PHLPP1: variants seen among roughly 807,000 people sequenced by gnomAD.
The protein encoded by PHLPP1 is PH domain and leucine rich repeat protein phosphatase 1, also known as PH domain leucine-rich repeat-containing protein phosphatase 1.
In PHLPP1, 42 loss-of-function variants were observed where a neutral mutation model predicts 117.2. That is an observed-to-expected ratio of 0.36 (90% CI 0.28 to 0.46). The LOEUF is 0.46. PHLPP1 is among the 20% of genes least tolerant of loss of function. PHLPP1 has a pLI of 1.00. For missense variants in PHLPP1, 2,084 were observed against 2,241.9 expected (o/e 0.93, Z 1.42); for synonymous variants, 1,042 against 970.7 (o/e 1.07, Z -1.37).
intron 4 of PHLPP1, among the ~76,000 whole-genome samples, chr18:62,865,210 C>G (rs1292715995): frequency 2.6e-5 from 4 of 152,140 alleles, no homozygotes; most frequent in South Asian, 2.1e-4. Flanking sequence ...CTTGTAGTCT[C>G]AGCTACTGGG....
intron 1 of PHLPP1, among the ~76,000 whole-genome samples, chr18:62,718,226 G>A (rs1026266250): frequency 2.0e-5 from 3 of 152,234 alleles, no homozygotes; most frequent in Non-Finnish European, 4.4e-5. Flanking sequence ...TCAGTGATAA[G>A]GAATTTTATT....
At chr18:62,969,258 A>C (rs1312754816) in intron 14 of PHLPP1, among the ~76,000 whole-genome samples, 2 of 151,660 alleles carry the variant, frequency 1.3e-5, no homozygotes, top group Admixed American at 1.3e-4. Context: ...TTTGTTATGT[A>C]CTTCTTTTTC....
chr18:62,841,639 C>T (rs1599076963), intron 3 of PHLPP1, among the ~76,000 whole-genome samples: 1 of 152,014 alleles, frequency 6.6e-6, no homozygotes, highest in South Asian at 2.1e-4. Context: ...GCTTACTTTT[C>T]TGTGTTTTTC....
rs537229794 is a variant in PHLPP1, at chr18:62,968,862, T to G, written c.3561-3652T>G. Among the ~76,000 whole-genome samples the G allele has an allele frequency of 1.4e-3, 206 of 152,302 alleles. No individual in the cohort carries two copies. In the Middle Eastern group the frequency reaches 0.017, roughly 13 times the overall value. On this transcript the variant is annotated intron_variant, in intron 14 of 16. Coordinates refer to ENST00000262719, the MANE Select transcript of PHLPP1 (RefSeq NM_194449.4). ...TATTATGCTTTTAAAATCTGTAGAA[T>G]CTGTAGAGATGTTCCTCCACTCTCT...
At chr18:62,775,572 C>T (rs547767940) in intron 1 of PHLPP1, among the ~76,000 whole-genome samples, 2 of 152,188 alleles carry the variant, frequency 1.3e-5, no homozygotes, top group East Asian at 1.9e-4. Flanking sequence ...CACAATGTCC[C>T]AGTAGAACCA....
intron 9 of PHLPP1, among the ~76,000 whole-genome samples, chr18:62,918,706 A>G (rs1909374033): frequency 6.6e-6 from 1 of 152,122 alleles, no homozygotes; most frequent in African/African-American, 2.4e-5. Context: ...GAGATTTTTA[A>G]CTCTTGTGGA....
At chr18:62,734,228 A>G (rs1911304963) in intron 1 of PHLPP1, among the ~76,000 whole-genome samples, 1 of 152,140 alleles carries the variant, frequency 6.6e-6, no homozygotes, top group Admixed American at 6.5e-5. Flanking sequence ...TTGGTATCAT[A>G]CGTACACCAC....
chr18:62,916,747 C>CTTTTTTTTTTTTTTTTTTTTTTT (rs10538704), intron 9 of PHLPP1, among the ~76,000 whole-genome samples: 1 of 71,090 alleles, frequency 1.4e-5, no homozygotes, highest in African/African-American at 6.0e-5. Flanking sequence ...TCCTTCTATT[C>CTTTTTTTTTTTTTTTTTTTTTTT]TTTTTTTTTT....
rs931789683 is a variant in PHLPP1 at position 62,813,199 on chromosome 18, A to C, written c.1577-16836A>C. ...GGAACTGAGCTGAAGAAGCTCATAA[A>C]AGGGAGGAAGGGCTATGGTTTGTAT... On this transcript the variant is annotated intron_variant, in intron 1 of 16. Coordinates refer to ENST00000262719, the MANE Select transcript of PHLPP1 (RefSeq NM_194449.4). Among the ~76,000 whole-genome samples the C allele has an allele frequency of 2.0e-5, 3 of 152,212 alleles. No homozygotes were observed. In the South Asian group the frequency reaches 6.2e-4, roughly 31 times the overall value.
intron 1 of PHLPP1, among the ~76,000 whole-genome samples, chr18:62,723,869 G>A (rs754183383): frequency 2.0e-5 from 3 of 152,172 alleles, no homozygotes; most frequent in Admixed American, 6.5e-5. Flanking sequence ...TTTGTAAGAC[G>A]ATGGGGTTGG....
At chr18:62,739,622 A>AG (rs1211064602) in intron 1 of PHLPP1, among the ~76,000 whole-genome samples, 1 of 152,162 alleles carries the variant, frequency 6.6e-6, no homozygotes, top group African/African-American at 2.4e-5. Flanking sequence ...AAAGAGGCTA[A>AG]GGATGATGGA....
At position 62,716,856 on chromosome 18, in the gene PHLPP1, G is replaced by A. The variant is rs1368148443; in HGVS notation, c.1173G>A (p.Pro391=). Residue 391 remains proline, a synonymous_variant, in exon 1 of 17, where the codon CCG becomes CCA. Transcript: ENST00000262719. The surrounding 1 kb of genome is among the most constrained non-coding windows in gnomAD (Gnocchi z 5.7). ...CAGCCTCGGCCCCGACGGGGGTCCC[G>A]GGCCAGCCCCGCCGTCCCGGCCACC... is the stretch of plus-strand genomic sequence containing the variant. ...ADAASAPTGV[P]GQPRRPGHPA... is the part of the protein sequence containing the mutation. The A allele has an allele frequency of 1.3e-6, 2 of 1,521,872 alleles. No homozygotes were observed. The allele number at this position is 1,521,872 out of a possible 1,614,324, so 94.3% of individuals were successfully genotyped here.
intron 14 of PHLPP1, among the ~76,000 whole-genome samples, chr18:62,967,894 G>T (rs1056740403): frequency 6.6e-6 from 1 of 151,238 alleles, no homozygotes; most frequent in Middle Eastern, 3.2e-3. Flanking sequence ...GCACGATCTC[G>T]GTTCACCGCA....
intron 1 of PHLPP1, among the ~76,000 whole-genome samples, chr18:62,737,225 C>T (rs1046591100): frequency 1.3e-5 from 2 of 152,094 alleles, no homozygotes; most frequent in African/African-American, 2.4e-5. Context: ...CCAGGTACTG[C>T]AGCATGAATG....
At chr18:62,945,735 G>C (rs533605577) in intron 12 of PHLPP1, among the ~76,000 whole-genome samples, 21 of 152,186 alleles carry the variant, frequency 1.4e-4, no homozygotes, top group Admixed American at 4.6e-4. Context: ...TCCCTATATA[G>C]ACAGAGCATC....
At chr18:62,824,244 G>C (rs114953724) in intron 1 of PHLPP1, 6 of 454,050 alleles carry the variant, frequency 1.3e-5, no homozygotes, top group African/African-American at 1.2e-4. Flanking sequence ...GTATTTACCC[G>C]AGAGGAATCA....
chr18:62,824,714 G>A (rs1914561990), intron 1 of PHLPP1, among the ~76,000 whole-genome samples: 1 of 151,978 alleles, frequency 6.6e-6, no homozygotes, highest in African/African-American at 2.4e-5. Context: ...ACAATTCATG[G>A]CACTAGAAAA....
intron 14 of PHLPP1, among the ~76,000 whole-genome samples, chr18:62,967,195 A>T (rs182546416): frequency 2.6e-5 from 4 of 152,374 alleles, no homozygotes; most frequent in African/African-American, 9.6e-5. Context: ...AAAGTGCTAC[A>T]GGTTGCAAAC....
chr18:62,939,206 T>C (rs1808074598), intron 10 of PHLPP1, among the ~76,000 whole-genome samples: 1 of 152,014 alleles, frequency 6.6e-6, no homozygotes, highest in South Asian at 2.1e-4. Context: ...TTGGCCAGGC[T>C]GGTCTCGAAC....
Sources: allele counts gnomAD v4.1 joint callset (sites outside exome capture counted in the v4.1 genomes callset), GRCh38; gene constraint gnomAD v4.1.1; non-coding constraint Gnocchi (gnomAD v3.1); transcripts MANE v1.5; gene names NCBI Gene and HGNC (gene_info 2026-07-23, HGNC 2026-07-21).